The following MIA3 variants were observed in gnomAD, a reference collection of about 807,000 sequenced individuals.
MIA3 encodes the protein MIA SH3 domain ER export factor 3.
In MIA3, 90 loss-of-function variants were observed where a neutral mutation model predicts 192.4. The ratio of observed to expected loss-of-function variants is 0.47; its 90% confidence interval spans 0.39 to 0.56. MIA3 has a LOEUF of 0.56. MIA3 is among the 20% of genes least tolerant of loss of function. The pLI, the probability that MIA3 is intolerant of heterozygous loss-of-function variation, is 0.00. For missense variants in MIA3, 2,123 were observed against 2,269.4 expected, an observed-to-expected ratio of 0.94 and a Z score of 1.31; for synonymous variants, 740 against 792.8, an observed-to-expected ratio of 0.93 and a Z score of 1.12.
At chr1:222,641,167 A>G (rs906984887) in intron 6 of MIA3, among the ~76,000 whole-genome samples, 3 of 152,232 alleles carry the variant, frequency 2.0e-5, no homozygotes, top group Non-Finnish European at 4.4e-5. Context: ...GTTTCTTAAG[A>G]AGGTAAACCT....
chr1:222,648,462 A>G (rs1663258868), intron 7 of MIA3, among the ~76,000 whole-genome samples: 1 of 152,200 alleles, frequency 6.6e-6, no homozygotes, highest in Non-Finnish European at 1.5e-5. Context: ...GAGTTGTCAA[A>G]TAAGTGACTT....
rs2124837373 is a variant in MIA3, at chr1:222,627,674, A to G, written c.454A>G (p.Thr152Ala). ...GFLELYNSAA[T>A]DSEKAVEKTL... ...TTTGGAACTGTACAATTCTGCAGCT[A>G]CAGATTCTGAGAAAGCTGTAGAAAA... is the stretch of plus-strand genomic sequence containing the variant. The change falls in exon 4 of 28, where the codon ACA becomes GCA. Residue 152 changes from threonine (T) to alanine (A), a missense_variant. Around this residue, in one of 3 missense-constraint regions of MIA3, gnomAD observed 1,357 missense variants for 1,396.1 expected, o/e 0.97. Coordinates refer to ENST00000344922, the MANE Select transcript of MIA3 (RefSeq NM_198551.4). 2.5e-6 allele frequency: 4 copies of G among 1,613,258 alleles called. No individual in the cohort carries two copies. Among genetic ancestry groups the G allele is most frequent in the Non-Finnish European group, 3.4e-6 (4 of 1,179,698 alleles).
chr1:222,625,310 C>T (rs952339245), intron 3 of MIA3, among the ~76,000 whole-genome samples: 2 of 152,082 alleles, frequency 1.3e-5, no homozygotes, highest in South Asian at 2.1e-4. Flanking sequence ...CGGCCAAGGC[C>T]GTGTACTCTT....
chr1:222,623,282 GT>G (rs1191727480), intron 2 of MIA3, among the ~76,000 whole-genome samples: 144 of 133,126 alleles, frequency 1.1e-3, no homozygotes, highest in Non-Finnish European at 9.0e-4. Context: ...TTTTTTTTTT[GT>G]TTTTTTTTTG....
At chr1:222,621,056 T>G (rs566528931) in intron 1 of MIA3, 103 bp from the exon 2 acceptor site, 156 of 987,936 alleles carry the variant, frequency 1.6e-4, no homozygotes, top group Middle Eastern at 2.2e-4. Flanking sequence ...AAAACTTGGT[T>G]GTTGTTTATA....
chr1:222,662,170 T>C, intron 25 of MIA3, 46 bp downstream of exon 25: 2 of 1,603,522 alleles, frequency 1.2e-6, no homozygotes, highest in Non-Finnish European at 1.7e-6. Flanking sequence ...ATGCAGGAAG[T>C]GGGGAGAGGA....
intron 3 of MIA3, among the ~76,000 whole-genome samples, chr1:222,626,319 G>A (rs1412031974): frequency 6.6e-6 from 1 of 151,976 alleles, no homozygotes; most frequent in Non-Finnish European, 1.5e-5. Context: ...GGATTTGAGT[G>A]TGAGACAGCA....
At position 222,629,744 on chromosome 1, in the gene MIA3, G is replaced by T; in HGVS notation, c.2524G>T (p.Gly842Cys). ...CATAAAAATTCAGACTCCAGAATTAGGTGAAGTGTTTCAGAATAAAGATTC... is the reference window on the plus strand; with the variant it reads ...CATAAAAATTCAGACTCCAGAATTATGTGAAGTGTTTCAGAATAAAGATTC... ...DSIKIQTPEL[G>C]EVFQNKDSDY... The change falls in exon 4 of 28, where the codon GGT becomes TGT. Residue 842 changes from glycine (G) to cysteine (C), a missense_variant. Coordinates refer to ENST00000344922, the MANE Select transcript of MIA3 (RefSeq NM_198551.4). 1 of 1,614,180 alleles carries T rather than the reference G, an allele frequency of 6.2e-7. No individual in the cohort carries two copies. The highest frequency in any genetic ancestry group is 8.5e-7 in the Non-Finnish European group (1 of 1,180,024).
chr1:222,659,103 ATTTGAT>A, intron 19 of MIA3: 1 of 422,932 alleles, frequency 2.4e-6, no homozygotes, highest in Non-Finnish European at 4.2e-6. Flanking sequence ...TGATTTTGCC[ATTTGAT>A]AGACCCAGTA....
chr1:222,650,392 C>A lies in MIA3; in HGVS notation c.3720+12C>A, dbSNP rs1663364517. ...ATTATGAACAGAAGGTATGATTATT[C>A]TTTGTTTTTTTTTTTTTTCATGGTC... On this transcript the variant is annotated intron_variant, in intron 9 of 27. Transcript: ENST00000344922. 4.5e-5 allele frequency: 58 copies of A among 1,296,906 alleles called. No individual in the cohort carries two copies. The highest frequency in any genetic ancestry group is 1.0e-4 in the African/African-American group (6 of 59,232). 80.3% of individuals were successfully genotyped at this position (1,296,906 alleles called of 1,614,324 possible).
At chr1:222,652,205 C>T (rs1285666785) in intron 12 of MIA3, 23 bp from the exon 13 acceptor site, 2 of 1,556,738 alleles carry the variant, frequency 1.3e-6, no homozygotes, top group East Asian at 4.5e-5. Context: ...AATTAATTCA[C>T]TAATAGGAGT....
At chr1:222,618,483 C>T (rs1383581558) in intron 1 of MIA3, among the ~76,000 whole-genome samples, 1 of 152,206 alleles carries the variant, frequency 6.6e-6, no homozygotes, top group Non-Finnish European at 1.5e-5. Context: ...ACCATGGGGG[C>T]TGCACCTCCC....
chr1:222,627,357 A>G (rs1207973395), intron 3 of MIA3, among the ~76,000 whole-genome samples: 1 of 152,150 alleles, frequency 6.6e-6, no homozygotes, highest in African/African-American at 2.4e-5. Flanking sequence ...CCTGGGGAAG[A>G]GAGAATGAAG....
In MIA3 at chr1:222,652,295, A is replaced by G; in HGVS notation, c.4049A>G (p.Gln1350Arg). The G allele has an allele frequency of 6.2e-7, 1 of 1,613,920 alleles. No homozygotes were observed. Among genetic ancestry groups the G allele is most frequent in the Non-Finnish European group, 8.5e-7 (1 of 1,179,822 alleles). ...GTGAAGTCTGAATGCCATCGGGTTC[A>G]AGAAGAAAATGCTAGGCTTAAGAAG... ...EKVKSECHRV[Q>R]EENARLKKKK... Residue 1350 changes from glutamine (Q) to arginine (R), a missense_variant, in exon 13 of 28, where the codon CAA becomes CGA. Coordinates refer to ENST00000344922, the MANE Select transcript of MIA3 (RefSeq NM_198551.4).
intron 6 of MIA3, among the ~76,000 whole-genome samples, chr1:222,643,771 C>G (rs908782654): frequency 1.3e-5 from 2 of 152,000 alleles, no homozygotes; most frequent in African/African-American, 4.8e-5. Flanking sequence ...TCCCCTTCCC[C>G]GCAGCCACCA....
At position 222,665,387 on chromosome 1, in the gene MIA3, A is replaced by C. The variant is rs1377162070; in HGVS notation, c.5492A>C (p.His1831Pro). Reference protein sequence around the residue: ...VPPGRRDLPLHPRGFLPGHAP... With the variant: ...VPPGRRDLPLPPRGFLPGHAP... ...CCAGGAAGACGGGACCTGCCTCTCC[A>C]CCCTCGGGGATTTTTACCTGGACAC... Residue 1831 changes from histidine (H) to proline (P), a missense_variant, in exon 28 of 28, where the codon CAC becomes CCC. His to Pro is a moderately conservative substitution (Grantham distance 77, BLOSUM62 -2). Transcript: ENST00000344922. 21 of 1,613,522 alleles carry C rather than the reference A, an allele frequency of 1.3e-5. No homozygotes were observed. The highest frequency in any genetic ancestry group is 1.7e-5 in the Non-Finnish European group (20 of 1,179,910).
In MIA3 at chr1:222,653,138, C is replaced by T. The variant is rs774907922; in HGVS notation, c.4209+8C>T. 1.3e-4 allele frequency: 204 copies of T among 1,603,082 alleles called. No homozygotes were observed. The highest frequency in any genetic ancestry group is 1.6e-4 in the Non-Finnish European group (193 of 1,171,334). ...AAGGATGATAATATTAATGTAAGTG[C>T]GTTCATGAATACAAGCTTAATTCTT... On this transcript the variant is annotated splice_region_variant and intron_variant, in intron 14 of 27. Coordinates refer to ENST00000344922, the MANE Select transcript of MIA3 (RefSeq NM_198551.4).
At chr1:222,648,956 T>C in intron 8 of MIA3, 106 bp downstream of exon 8, 3 of 734,178 alleles carry the variant, frequency 4.1e-6, no homozygotes, top group South Asian at 1.8e-5. Flanking sequence ...TCTGACTGAC[T>C]TATAGCTTCT....
intron 5 of MIA3, among the ~76,000 whole-genome samples, chr1:222,632,890 T>C (rs1369349540): frequency 6.6e-6 from 1 of 152,220 alleles, no homozygotes; most frequent in Non-Finnish European, 1.5e-5. Context: ...CATAAGCTCA[T>C]AGGAGACAGT....
Sources: gnomAD v4.1 joint callset for allele counts (sites outside exome capture counted in the v4.1 genomes callset) on GRCh38, gnomAD v4.1.1 for gene constraint, gnomAD v4.1.1 regional missense constraint, MANE v1.5 for transcripts, NCBI Gene and HGNC (gene_info 2026-07-23, HGNC 2026-07-21) for gene names.